Variants in GRAMD4 observed in about 807,000 individuals in gnomAD.
The protein encoded by GRAMD4 is GRAM domain-containing protein 4.
In GRAMD4, 25 loss-of-function variants were observed where a neutral mutation model predicts 83.9. That is an observed-to-expected ratio of 0.30 (90% CI 0.22 to 0.42). The LOEUF is 0.42. GRAMD4 is among the 10% of genes least tolerant of loss of function. The pLI is 1.00. For missense variants in GRAMD4, 593 were observed against 788.7 expected (o/e 0.75, Z 2.97); for synonymous variants, 336 against 320.9 (o/e 1.05, Z -0.50).
In GRAMD4 at chr22:46,665,847, A is replaced by AC. The variant is rs554497595; in HGVS notation, c.809+147dup. ...GGTGGTCCCCTGACAGGCTCCAGAG[A>AC]CCCCCCAGGCAGGGCGGCTGCCCCC... On this transcript the variant is annotated intron_variant, in intron 9 of 18. Coordinates refer to ENST00000406902, the MANE Select transcript of GRAMD4 (RefSeq NM_015124.5). 454 of 588,834 alleles carry AC rather than the reference A, an allele frequency of 7.7e-4. 2 individuals are homozygous for AC. Among genetic ancestry groups the AC allele is most frequent in the African/African-American group, 2.5e-3 (134 of 54,674 alleles). 36.5% of individuals were successfully genotyped at this position (588,834 alleles called of 1,614,324 possible).
At chr22:46,600,385 T>A (rs1325846081) in intron 1 of GRAMD4, among the ~76,000 whole-genome samples, 1 of 152,188 alleles carries the variant, frequency 6.6e-6, no homozygotes, top group East Asian at 1.9e-4. Context: ...GTGCTCTGGC[T>A]GGGTCGCTGG....
At chr22:46,624,108 A>G (rs1642313963) in intron 1 of GRAMD4, among the ~76,000 whole-genome samples, 1 of 151,918 alleles carries the variant, frequency 6.6e-6, no homozygotes, top group South Asian at 2.1e-4. Context: ...TAACATGGAT[A>G]TTAATCCTTC....
At chr22:46,590,000 C>T (rs554017154) in intron 1 of GRAMD4, among the ~76,000 whole-genome samples, 24 of 152,332 alleles carry the variant, frequency 1.6e-4, no homozygotes, top group African/African-American at 4.3e-4. Context: ...GAGGCCGTGT[C>T]GCCTCCTGTA....
Position 46,598,132 on chromosome 22 carries a change from C to T in GRAMD4, c.-50+20842C>T, listed in dbSNP as rs372465302. ...GAGTAGCTGGAATTTCAGGTGCATA[C>T]CACCATGCCCAGCTAATTCTTTTAT... is the stretch of plus-strand genomic sequence containing the variant. On this transcript the variant is annotated intron_variant, in intron 1 of 1. Coordinates refer to the GRAMD4 transcript ENST00000431155. 1.4e-3 allele frequency among the ~76,000 whole-genome samples: 212 copies of T among 152,192 alleles called. 1 individual carries two copies. Among genetic ancestry groups the T allele is most frequent in the African/African-American group, 4.8e-3 (198 of 41,552 alleles).
At chr22:46,594,346 G>A (rs1157797704) in intron 1 of GRAMD4, among the ~76,000 whole-genome samples, 1 of 141,480 alleles carries the variant, frequency 7.1e-6, no homozygotes, top group Non-Finnish European at 1.6e-5. Flanking sequence ...AGGACAGGTG[G>A]AAGTGGGCGG....
At chr22:46,601,446 G>A (rs1003144468) in intron 1 of GRAMD4, among the ~76,000 whole-genome samples, 1 of 151,888 alleles carries the variant, frequency 6.6e-6, no homozygotes, top group African/African-American at 2.4e-5. Context: ...GTGAATTAGG[G>A]TGTTTTGGGT....
intron 3 of GRAMD4, among the ~76,000 whole-genome samples, chr22:46,641,111 C>T (rs1346324662): frequency 1.3e-5 from 2 of 151,892 alleles, no homozygotes; most frequent in Admixed American, 6.6e-5. Context: ...CTCACTGTGT[C>T]GCCCAGGCCG....
At chr22:46,607,107 A>C (rs563652379) in intron 1 of GRAMD4, among the ~76,000 whole-genome samples, 1 of 152,070 alleles carries the variant, frequency 6.6e-6, no homozygotes, top group East Asian at 1.9e-4. Flanking sequence ...TGCCGGGCCC[A>C]TGGGCGTGCA....
chr22:46,675,317 G>C, intron 16 of GRAMD4, 151 bp from the exon 17 acceptor site: 1 of 690,798 alleles, frequency 1.4e-6, no homozygotes, highest in Non-Finnish European at 2.6e-6. Flanking sequence ...AGCAGTGGCC[G>C]TGAGTGTTTC....
At chr22:46,590,028 G>T (rs2081191452) in intron 1 of GRAMD4, among the ~76,000 whole-genome samples, 1 of 152,236 alleles carries the variant, frequency 6.6e-6, no homozygotes, top group Non-Finnish European at 1.5e-5. Context: ...CGGCAGTCTT[G>T]CAGGATGGGT....
At chr22:46,666,979 C>A in intron 10 of GRAMD4, 106 bp downstream of exon 10, 1 of 796,604 alleles carries the variant, frequency 1.3e-6, no homozygotes, top group Non-Finnish European at 2.0e-6. Flanking sequence ...GCCATGTGGT[C>A]ATCCCCCTGG....
chr22:46,656,806 C>A (rs752197529), intron 3 of GRAMD4, among the ~76,000 whole-genome samples: 58 of 152,234 alleles, frequency 3.8e-4, no homozygotes, highest in Non-Finnish European at 7.9e-4. Flanking sequence ...TCTTCTCCTG[C>A]TGCCATTGCC....
At chr22:46,657,966 GC>G (rs2082268741) in intron 3 of GRAMD4, among the ~76,000 whole-genome samples, 1 of 152,196 alleles carries the variant, frequency 6.6e-6, no homozygotes, top group African/African-American at 2.4e-5. Context: ...TGTAAGAGGA[GC>G]CCCGTTACTA....
intron 2 of GRAMD4, among the ~76,000 whole-genome samples, chr22:46,636,262 G>A (rs1200896824): frequency 6.6e-6 from 1 of 152,196 alleles, no homozygotes; most frequent in Non-Finnish European, 1.5e-5. Context: ...GGGCTCCGCT[G>A]GCCTCCCAGA....
At chr22:46,674,515 G>A (rs1018468460) in intron 15 of GRAMD4, 142 bp from the exon 16 acceptor site, 2 of 702,784 alleles carry the variant, frequency 2.8e-6, no homozygotes, top group South Asian at 1.6e-5. Context: ...TCTTGCCGGC[G>A]CGCCTTCCTC....
chr22:46,673,146 T>C (rs2082539039), intron 14 of GRAMD4, 149 bp downstream of exon 14: 15 of 703,654 alleles, frequency 2.1e-5, no homozygotes, highest in Non-Finnish European at 3.2e-5. Flanking sequence ...GTTTTTTTTT[T>C]CCCTGTTACC....
intron 13 of GRAMD4, chr22:46,671,108 C>T: frequency 2.1e-6 from 1 of 469,330 alleles, no homozygotes; most frequent in Middle Eastern, 3.3e-4. Flanking sequence ...GCAAGGATGG[C>T]CCCAGCTGGG....
intron 2 of GRAMD4, 30 bp from the exon 3 acceptor site, chr22:46,637,810 C>G (rs879527879): frequency 1.2e-6 from 2 of 1,612,152 alleles, no homozygotes; most frequent in Non-Finnish European, 8.5e-7. Context: ...CACAGGTGGC[C>G]CCTTTGAGCT....
chr22:46,668,624 C>G, intron 11 of GRAMD4, 65 bp from the exon 12 acceptor site: 1 of 1,459,752 alleles, frequency 6.9e-7, no homozygotes, highest in Non-Finnish European at 9.6e-7. Flanking sequence ...GCCCTCCTGG[C>G]GTCGCGGTGT....
Sources: gnomAD v4.1 joint callset for allele counts (sites outside exome capture counted in the v4.1 genomes callset) on GRCh38, gnomAD v4.1.1 for gene constraint, MANE v1.5 for transcripts, NCBI Gene and HGNC (gene_info 2026-07-23, HGNC 2026-07-21) for gene names.